RPTOR: variants seen among roughly 807,000 people sequenced by gnomAD.
The protein encoded by RPTOR is regulatory-associated protein of mTOR.
A neutral mutation model predicts 169.9 loss-of-function variants in RPTOR; 21 were observed. The ratio of observed to expected loss-of-function variants is 0.12; its 90% CI spans 0.09 to 0.18. The LOEUF (loss-of-function observed/expected upper bound fraction) is 0.18. Among genes scored for constraint, RPTOR ranks in the 10% least tolerant of loss-of-function variants. The pLI is 1.00. For missense variants in RPTOR, 1,133 were observed against 1,855.9 expected (o/e 0.61, Z 7.16); for synonymous variants, 732 against 753.2 (o/e 0.97, Z 0.46).
intron 1 of RPTOR, among the ~76,000 whole-genome samples, chr17:80,559,902 A>G (rs1214824601): frequency 6.6e-6 from 1 of 152,210 alleles, no homozygotes; most frequent in African/African-American, 2.4e-5. Context: ...ATATGGTGAA[A>G]TGCACAGACC....
intron 1 of RPTOR, among the ~76,000 whole-genome samples, chr17:80,578,818 A>T (rs1426217920): frequency 6.6e-6 from 1 of 152,180 alleles, no homozygotes; most frequent in Non-Finnish European, 1.5e-5. Flanking sequence ...GCTTGCTGGC[A>T]CCGCTGCTAA....
chr17:80,635,720 G>A (rs1203602583), intron 2 of RPTOR, among the ~76,000 whole-genome samples: 1 of 152,186 alleles, frequency 6.6e-6, no homozygotes, highest in Non-Finnish European at 1.5e-5. Flanking sequence ...GACCAGGGTG[G>A]TTCTGGATGA....
At position 80,883,841 on chromosome 17, in the gene RPTOR, C is replaced by A; in HGVS notation, c.1711C>A (p.Pro571Thr). 1.9e-6 allele frequency: 3 copies of A among 1,613,766 alleles called. No homozygotes were observed. Among genetic ancestry groups the A allele is most frequent in the Non-Finnish European group, 2.5e-6 (3 of 1,180,030 alleles). Reference sequence around the variant, plus strand: ...CCTGGAGCAGCTCAACGACCCGCACCCCTTGCTGCGCCAGTGGGTGGCCAT... The same window carrying A: ...CCTGGAGCAGCTCAACGACCCGCACACCTTGCTGCGCCAGTGGGTGGCCAT... ...ICLEQLNDPH[P>T]LLRQWVAICL... The change falls in exon 16 of 34, where the codon CCC (proline) becomes ACC (threonine). Residue 571 changes from proline to threonine, a missense_variant. Physicochemically the swap from Pro to Thr is conservative, Grantham distance 38 (BLOSUM62 -1). This residue lies in a region of RPTOR where 289 missense variants were observed against 585.8 expected (regional missense o/e 0.49). Coordinates refer to ENST00000306801, the MANE Select transcript of RPTOR (RefSeq NM_020761.3).
intron 6 of RPTOR, among the ~76,000 whole-genome samples, chr17:80,791,191 C>G (rs2067044277): frequency 6.6e-6 from 1 of 151,554 alleles, no homozygotes; most frequent in African/African-American, 2.4e-5. Flanking sequence ...AGGGACCGGG[C>G]TTCATGTGGC....
Position 80,646,021 on chromosome 17 carries a change from G to C in RPTOR, c.348+2211G>C, listed in dbSNP as rs1399086536. On this transcript the variant is annotated intron_variant, in intron 3 of 33. Transcript: ENST00000306801. The surrounding 1 kb of genome is among the most constrained non-coding windows in gnomAD (Gnocchi z 5.0). ...AGATGGAGAATGTGTTAAGATTACA[G>C]GATGCTTCGGAAAAGGTACCAGCGC... Among the ~76,000 whole-genome samples the C allele has an allele frequency of 1.3e-5, 2 of 152,216 alleles. No individual in the cohort carries two copies. The highest frequency in any genetic ancestry group is 2.9e-5 in the Non-Finnish European group (2 of 68,040).
rs367995067 is a variant in RPTOR at position 80,623,460 on chromosome 17, G to A, written c.163-2231G>A. 3.3e-5 allele frequency among the ~76,000 whole-genome samples: 5 copies of A among 152,236 alleles called. No homozygotes were observed. The East Asian group carries it at 9.6e-4, about 29-fold the overall frequency. The stretch of plus-strand genomic sequence containing the variant: ...AAAAATTAAAAATACTTTTATTGGT[G>A]ATAATTTTTTACATTCATATAATCA... On this transcript the variant is annotated intron_variant, in intron 1 of 33. Transcript: ENST00000306801.
chr17:80,631,955 TTCTCATCTAAA>T (rs1479752673), intron 2 of RPTOR, among the ~76,000 whole-genome samples: 2 of 152,170 alleles, frequency 1.3e-5, no homozygotes, highest in Non-Finnish European at 2.9e-5. Flanking sequence ...CCCCAAATTC[TTCTCATCTAAA>T]TCTCATCTAA....
chr17:80,663,259 T>C (rs1361891276), intron 3 of RPTOR, among the ~76,000 whole-genome samples: 1 of 152,180 alleles, frequency 6.6e-6, no homozygotes, highest in East Asian at 1.9e-4. Flanking sequence ...AAAGCTGCCA[T>C]GAGTGTTGGG....
intron 13 of RPTOR, among the ~76,000 whole-genome samples, chr17:80,867,473 GCAAGATGAAGCC>G (rs2068006152): frequency 6.6e-6 from 1 of 152,144 alleles, no homozygotes; most frequent in African/African-American, 2.4e-5. Context: ...AAGACTGAAT[GCAAGATGAAGCC>G]ATCTGTTCTT....
chr17:80,726,963 A>G lies in RPTOR; in HGVS notation c.508-3597A>G, dbSNP rs2143185941. Among the ~76,000 whole-genome samples the G allele has an allele frequency of 2.0e-5, 3 of 152,176 alleles. No individual in the cohort carries two copies. The East Asian group carries it at 5.8e-4, about 29-fold the overall frequency. Reference sequence around the variant, plus strand: ...AGCATGCTTCCCCCAACCCCTGGGGACCTGTGAGCGCAGCCTGCAAGCTCC... The same window carrying G: ...AGCATGCTTCCCCCAACCCCTGGGGGCCTGTGAGCGCAGCCTGCAAGCTCC... On this transcript the variant is annotated intron_variant, in intron 4 of 33. Coordinates refer to ENST00000306801, the MANE Select transcript of RPTOR (RefSeq NM_020761.3). The surrounding 1 kb of genome is among the most constrained non-coding windows in gnomAD (Gnocchi z 4.5).
intron 1 of RPTOR, among the ~76,000 whole-genome samples, chr17:80,621,595 G>T (rs1248940101): frequency 6.6e-6 from 1 of 152,198 alleles, no homozygotes; most frequent in Non-Finnish European, 1.5e-5. Flanking sequence ...CCCTGGACTT[G>T]CAGCCGCCCC....
chr17:80,885,324 C>T (rs2068233254), intron 17 of RPTOR, among the ~76,000 whole-genome samples, 176 bp downstream of exon 17: 1 of 152,260 alleles, frequency 6.6e-6, no homozygotes, highest in Non-Finnish European at 1.5e-5. Flanking sequence ...CTTTACCAGA[C>T]ACCCATGGGT....
At chr17:80,809,862 G>A (rs1261276440) in intron 7 of RPTOR, among the ~76,000 whole-genome samples, 1 of 151,974 alleles carries the variant, frequency 6.6e-6, no homozygotes, top group Non-Finnish European at 1.5e-5. Context: ...CACGGTGAAA[G>A]CCCGTCTCTA....
chr17:80,830,291 G>A (rs988311335), intron 9 of RPTOR, among the ~76,000 whole-genome samples: 6 of 152,124 alleles, frequency 3.9e-5, no homozygotes, highest in Non-Finnish European at 5.9e-5. Context: ...GACCAGTTCC[G>A]ACCCCGCCCC....
chr17:80,799,238 T>TAATGA (rs2067131567), intron 7 of RPTOR, among the ~76,000 whole-genome samples: 1 of 152,244 alleles, frequency 6.6e-6, no homozygotes, highest in Non-Finnish European at 1.5e-5. Flanking sequence ...CATTTACGTT[T>TAATGA]TAGCAGTTCA....
At chr17:80,832,104 G>A (rs2067511832) in intron 9 of RPTOR, among the ~76,000 whole-genome samples, 1 of 152,204 alleles carries the variant, frequency 6.6e-6, no homozygotes, top group East Asian at 1.9e-4. Flanking sequence ...TTGAGACACC[G>A]GCTGGGTTAG....
intron 21 of RPTOR, among the ~76,000 whole-genome samples, chr17:80,910,839 G>C (rs1170757759): frequency 2.1e-5 from 2 of 97,348 alleles, no homozygotes; most frequent in East Asian, 6.0e-4. Context: ...TTCTTCTTCA[G>C]TTCTTTTTTT....
At chr17:80,679,950 G>T (rs1262294005) in intron 3 of RPTOR, among the ~76,000 whole-genome samples, 1 of 152,182 alleles carries the variant, frequency 6.6e-6, no homozygotes, top group Non-Finnish European at 1.5e-5. Context: ...GAGCCCCATG[G>T]TCCCTGTCCT....
At chr17:80,865,669 G>T (rs1487133031) in intron 13 of RPTOR, among the ~76,000 whole-genome samples, 1 of 152,046 alleles carries the variant, frequency 6.6e-6, no homozygotes, top group Non-Finnish European at 1.5e-5. Flanking sequence ...CAAAACTGAT[G>T]GAACTGCGAG....
Sources: allele counts gnomAD v4.1 joint callset (sites outside exome capture counted in the v4.1 genomes callset), GRCh38; gene constraint gnomAD v4.1.1; regional missense constraint gnomAD v4.1.1; non-coding constraint Gnocchi (gnomAD v3.1); transcripts MANE v1.5; gene names NCBI Gene and HGNC (gene_info 2026-07-23, HGNC 2026-07-21).